Variants in LAMA5 observed in about 807,000 individuals in gnomAD.
LAMA5 encodes laminin subunit alpha-5.
In LAMA5, 260 loss-of-function variants were observed where a neutral mutation model predicts 433.4. That is an observed-to-expected ratio of 0.60 (90% CI 0.54 to 0.66). LAMA5 has a LOEUF of 0.66. LAMA5 is among the 30% of genes least tolerant of loss of function. The pLI, the probability that LAMA5 is intolerant of heterozygous loss-of-function variation, is 0.00. For missense variants in LAMA5, 5,378 were observed against 5,258.5 expected (o/e 1.02, Z -0.70); for synonymous variants, 2,620 against 2,226.6 (o/e 1.18, Z -4.97).
At position 62,310,325 on chromosome 20, in the gene LAMA5, T is replaced by C; in HGVS notation, c.10601-14A>G. ...CTCCTGGGAGGTCTGCGGGGAGGGG[T>C]TGTGATGGAGAAGAAAGGGGGGGCC... On this transcript the variant is annotated splice_polypyrimidine_tract_variant and intron_variant, in intron 76 of 79. Coordinates refer to ENST00000252999, the MANE Select transcript of LAMA5 (RefSeq NM_005560.6). The C allele has an allele frequency of 3.1e-6, 5 of 1,588,578 alleles. No homozygotes were observed. The highest frequency in any genetic ancestry group is 4.3e-6 in the Non-Finnish European group (5 of 1,166,296).
chr20:62,360,829 C>T (rs2049442197), intron 2 of LAMA5, among the ~76,000 whole-genome samples: 1 of 152,102 alleles, frequency 6.6e-6, no homozygotes. Context: ...GGCTTCAGGC[C>T]TGAAGTTTCC....
intron 2 of LAMA5, among the ~76,000 whole-genome samples, chr20:62,356,842 G>A (rs1243242412): frequency 6.6e-6 from 1 of 152,244 alleles, no homozygotes; most frequent in Admixed American, 6.5e-5. Context: ...CGCCCTGGGA[G>A]GGAGGACGCC....
In LAMA5 at chr20:62,352,419, G is replaced by A. The variant is rs2427296; in HGVS notation, c.569-59C>T. 333,448 of 1,387,628 alleles carry A rather than the reference G, an allele frequency of 0.24. 41,378 individuals carry two copies. Among genetic ancestry groups the A allele is most frequent in the Non-Finnish European group, 0.25 (255,312 of 1,001,968 alleles). 86.0% of individuals were successfully genotyped at this position (1,387,628 alleles called of 1,614,324 possible). A position where few individuals can be genotyped will look rare whatever the true frequency, so the allele number is the denominator to read the frequency against. On this transcript the variant is annotated intron_variant, in intron 3 of 79. Coordinates refer to ENST00000252999, the MANE Select transcript of LAMA5 (RefSeq NM_005560.6). ...TCACCAGAAAAGCCTGGGTCCCCGC[G>A]GTGCCCGGGCCCCTTGACGTCTCCG...
chr20:62,353,022 G>A (rs546225442), intron 3 of LAMA5, 112 bp downstream of exon 3: 10 of 724,150 alleles, frequency 1.4e-5, no homozygotes, highest in African/African-American at 9.0e-5. Flanking sequence ...CGCAGCAGCC[G>A]GGTGTGAGGG....
At position 62,309,410 on chromosome 20, in the gene LAMA5, G is replaced by A. The variant is rs202130407; in HGVS notation, c.11014C>T (p.Arg3672Trp). The A allele has an allele frequency of 1.4e-4, 224 of 1,585,674 alleles. No homozygotes were observed. In the African/African-American group the frequency reaches 2.4e-3, roughly 17 times the overall value. Residue 3672 changes from arginine to tryptophan, a missense_variant, in exon 80 of 80, where the codon CGG becomes TGG. Transcript: ENST00000252999. ...GAGCGAGTCATGGCGACGGGGGACC[G>A]GTTCACCGCCAGCCTCCTCATGCAG... ...CGCMRRLAVN[R>W]SPVAMTRSVE...
At chr20:62,320,996 T>A (rs1987642360) in intron 48 of LAMA5, 106 bp from the exon 49 acceptor site, 2 of 1,256,784 alleles carry the variant, frequency 1.6e-6, no homozygotes, top group African/African-American at 1.5e-5. Context: ...CAGCCAGAGG[T>A]CATGAGGTCA....
In LAMA5 at chr20:62,333,692, G is replaced by T. The variant is rs1398665080; in HGVS notation, c.2893C>A (p.Gln965Lys). ...GTGCTGGGTGGGAAGGCCACGGGCT[G>T]ACTCTGTGCTGTGCCTGGGCGGGGG... ...ATCANCTAQS[Q>K]PVAFPPSTEP... Residue 965 changes from glutamine (Q) to lysine (K), a missense_variant, in exon 24 of 80, where the codon CAG becomes AAG. Gln to Lys is a moderately conservative substitution (Grantham distance 53, BLOSUM62 1). Coordinates refer to ENST00000252999, the MANE Select transcript of LAMA5 (RefSeq NM_005560.6). The T allele has an allele frequency of 2.5e-6, 4 of 1,593,534 alleles. No homozygotes were observed. The South Asian group carries it at 4.6e-5, about 18-fold the overall frequency.
At position 62,313,265 on chromosome 20, in the gene LAMA5, T is replaced by C. The variant is rs761660152; in HGVS notation, c.8793-15A>G. 2.6e-5 allele frequency: 37 copies of C among 1,409,968 alleles called. No homozygotes were observed. Among genetic ancestry groups the C allele is most frequent in the Non-Finnish European group, 3.4e-5 (36 of 1,065,376 alleles). 87.3% of individuals were successfully genotyped at this position (1,409,968 alleles called of 1,614,324 possible). On this transcript the variant is annotated splice_polypyrimidine_tract_variant and intron_variant, in intron 64 of 79. Transcript: ENST00000252999. ...TCGACTTGGAGCTGCAGGTCGGAGATTCTGGGGTCAGCGGAGGGTGGGGTG... is the reference window on the plus strand; with the variant it reads ...TCGACTTGGAGCTGCAGGTCGGAGACTCTGGGGTCAGCGGAGGGTGGGGTG...
intron 59 of LAMA5, 21 bp from the exon 60 acceptor site, chr20:62,314,968 G>C (rs1986784757): frequency 6.3e-7 from 1 of 1,583,814 alleles, no homozygotes; most frequent in East Asian, 2.2e-5. Context: ...GGAGACCTGA[G>C]ACCTTTGCCC....
chr20:62,315,087 T>A lies in LAMA5; in HGVS notation c.7988A>T (p.Gln2663Leu), dbSNP rs778571023. The A allele has an allele frequency of 5.0e-6, 8 of 1,604,676 alleles. No homozygotes were observed. The highest frequency in any genetic ancestry group is 1.3e-5 in the African/African-American group (1 of 75,042). ...MQENVERWQGQYEGLRGQDLG... is the reference protein window; with the variant it reads ...MQENVERWQGLYEGLRGQDLG... The stretch of plus-strand genomic sequence containing the variant: ...GTCCTGGCCCCGCAGGCCCTCGTAC[T>A]GGCCCTGCCACCGCTCCACATTCTC... Residue 2663 changes from glutamine (Q) to leucine (L), a missense_variant, in exon 59 of 80, where the codon CAG becomes CTG. Transcript: ENST00000252999.
intron 11 of LAMA5, among the ~76,000 whole-genome samples, chr20:62,340,590 C>T (rs1053200484): frequency 2.6e-5 from 4 of 151,934 alleles, no homozygotes; most frequent in East Asian, 2.0e-4. Context: ...GGATTACAGG[C>T]GTGAGCCATC....
intron 6 of LAMA5, among the ~76,000 whole-genome samples, chr20:62,348,825 G>GA (rs1228451675): frequency 6.6e-6 from 1 of 152,060 alleles, no homozygotes; most frequent in Non-Finnish European, 1.5e-5. Context: ...AAGCTATCCA[G>GA]AAGACACCTC....
In LAMA5 at chr20:62,323,763, AG is replaced by A; in HGVS notation, c.5849+12del. 1.2e-6 allele frequency: 2 copies of A among 1,608,224 alleles called. No individual in the cohort carries two copies. Among genetic ancestry groups the A allele is most frequent in the Non-Finnish European group, 1.7e-6 (2 of 1,177,458 alleles). On this transcript the variant is annotated intron_variant, in intron 44 of 79. Transcript: ENST00000252999. ...CACTCAGGCCCTGCCCCACTGCCCT[AG>A]CCCCAGCTCACCGCTCGCAGGAGGC...
chr20:62,321,013 G>T, intron 48 of LAMA5, 123 bp from the exon 49 acceptor site: 1 of 1,059,568 alleles, frequency 9.4e-7, no homozygotes, highest in Non-Finnish European at 1.4e-6. Flanking sequence ...GTCAGCTTAG[G>T]GACACAGGAC....
chr20:62,323,930 C>T, intron 43 of LAMA5, 74 bp from the exon 44 acceptor site: 1 of 1,481,020 alleles, frequency 6.8e-7, no homozygotes, highest in African/African-American at 1.4e-5. Context: ...TGTGCTCCGG[C>T]TGGAACACAC....
intron 1 of LAMA5, among the ~76,000 whole-genome samples, chr20:62,364,063 C>T (rs116422133): frequency 0.016 from 2,366 of 152,292 alleles, 63 homozygotes; most frequent in African/African-American, 0.054. Context: ...GTGGCAGGGT[C>T]CACACCCTCC....
chr20:62,352,008 G>A lies in LAMA5; in HGVS notation c.759C>T (p.Phe253=), dbSNP rs532710301. 521 of 1,612,732 alleles carry A rather than the reference G, an allele frequency of 3.2e-4. 2 individuals are homozygous for A. In the South Asian group the frequency reaches 5.4e-3, roughly 17 times the overall value. The change falls in exon 5 of 80, where the codon TTC becomes TTT. Residue 253 remains phenylalanine, a synonymous_variant. Transcript: ENST00000252999. Reference sequence around the variant, plus strand: ...GCAGGCGGACGTTGGTGGCCTTGGTGAACTCACGTAGCAGCGGCGAGTAGG... The same window carrying A: ...GCAGGCGGACGTTGGTGGCCTTGGTAAACTCACGTAGCAGCGGCGAGTAGG... ...NFSYSPLLRE[F]TKATNVRLRF...
rs1601427612 is a variant in LAMA5, at chr20:62,359,478, TGGGGC to T, written c.450+2917_450+2921del. Among the ~76,000 whole-genome samples, 1 of 8,216 alleles carries T rather than the reference TGGGGC, an allele frequency of 1.2e-4. No homozygotes were observed. The highest frequency in any genetic ancestry group is 0.014 in the East Asian group (1 of 70). 5.4% of individuals were successfully genotyped at this position (8,216 alleles called of 152,430 possible). On this transcript the variant is annotated intron_variant, in intron 2 of 79. Coordinates refer to ENST00000252999, the MANE Select transcript of LAMA5 (RefSeq NM_005560.6). This position sits in a 1 kb window ranked among gnomAD's most constrained non-coding sequence, Gnocchi z 4.3. ...GAACGCGCTCACCCTTCCCTGGGCC[TGGGGC>T]CTGGGGCCTGGGGCCTGGGTGTGGT...
At chr20:62,311,816 T>TTGGGGCCCCC in intron 70 of LAMA5, 32 bp from the exon 71 acceptor site, 3 of 1,520,996 alleles carry the variant, frequency 2.0e-6, no homozygotes, top group Non-Finnish European at 2.7e-6. Context: ...GCTCGGTTTT[T>TTGGGGCCCCC]CCCCACCCTG....
Sources: allele counts gnomAD v4.1 joint callset (sites outside exome capture counted in the v4.1 genomes callset), GRCh38; gene constraint gnomAD v4.1.1; non-coding constraint Gnocchi (gnomAD v3.1); transcripts MANE v1.5; gene names NCBI Gene and HGNC (gene_info 2026-07-23, HGNC 2026-07-21).